Variants in ANXA8 observed in about 807,000 individuals in gnomAD.
ANXA8 encodes the protein VAC-beta.
Under a neutral mutation model 26.8 loss-of-function variants are expected in ANXA8, and 9 were observed. That is an observed-to-expected ratio of 0.34 (90% CI 0.20 to 0.59). The LOEUF (loss-of-function observed/expected upper bound fraction) is 0.59. ANXA8 is among the 20% of genes least tolerant of loss of function. The probability of loss-of-function intolerance (pLI) is 0.84; values close to 1 mark genes in which losing one functional copy is unlikely to be tolerated. For synonymous variants in ANXA8, 39 were observed against 94.8 expected, an observed-to-expected ratio of 0.41 and a Z score of 3.42; for missense variants, 83 against 238.5, an observed-to-expected ratio of 0.35 and a Z score of 4.29.
the ANXA8 span, among the ~76,000 whole-genome samples, chr10:47,733,215 T>TCTCTCTC: frequency 1.5e-4 from 14 of 95,000 alleles, no homozygotes; most frequent in Admixed American, 2.4e-4. Context: ...CTTTCTTTCT[T>TCTCTCTC]TCTTTCTCTT....
the ANXA8 span, among the ~76,000 whole-genome samples, chr10:47,735,423 T>C: frequency 6.7e-6 from 1 of 148,442 alleles, no homozygotes; most frequent in African/African-American, 2.5e-5. Flanking sequence ...CTTTGGAAAA[T>C]ATGGATGAAT....
At chr10:47,503,937 C>CAAAAAAAAAAAAAAA in the ANXA8 span, among the ~76,000 whole-genome samples, 3 of 23,444 alleles carry the variant, frequency 1.3e-4, no homozygotes, top group South Asian at 1.7e-3. Flanking sequence ...GAGAGTCCAT[C>CAAAAAAAAAAAAAAA]AAAAAAAAAA....
the ANXA8 span, among the ~76,000 whole-genome samples, chr10:47,895,053 C>T: frequency 6.6e-6 from 1 of 152,058 alleles, no homozygotes; most frequent in Non-Finnish European, 1.5e-5. Context: ...ACACACCGCA[C>T]ATACACCATA....
At chr10:47,658,842 TA>T in the ANXA8 span, among the ~76,000 whole-genome samples, 22 of 135,932 alleles carry the variant, frequency 1.6e-4, no homozygotes, top group African/African-American at 6.9e-4. Flanking sequence ...GGTTTTTATT[TA>T]TTTATTATTT....
At chr10:47,777,450 G>A in the ANXA8 span, among the ~76,000 whole-genome samples, 5 of 152,162 alleles carry the variant, frequency 3.3e-5, no homozygotes, top group African/African-American at 1.2e-4. Flanking sequence ...ACCACACCAG[G>A]CTTCTGGATG....
At chr10:47,940,469 C>G in the ANXA8 span, among the ~76,000 whole-genome samples, 5 of 147,144 alleles carry the variant, frequency 3.4e-5, no homozygotes, top group Non-Finnish European at 5.9e-5. Context: ...AAAAATAGCT[C>G]TCCATACAAA....
the ANXA8 span, chr10:47,507,616 T>C: frequency 8.5e-6 from 13 of 1,529,606 alleles, 3 homozygotes; most frequent in Non-Finnish European, 1.1e-5. Context: ...TAACAATAGA[T>C]GTTATCATTT....
At chr10:47,528,881 G>T in the ANXA8 span, among the ~76,000 whole-genome samples, 25 of 132,040 alleles carry the variant, frequency 1.9e-4, no homozygotes, top group East Asian at 2.1e-3. Flanking sequence ...GAAGGAAAAA[G>T]AATTCAAGAA....
At chr10:47,775,980 G>A in the ANXA8 span, among the ~76,000 whole-genome samples, 31 of 151,828 alleles carry the variant, frequency 2.0e-4, no homozygotes, top group African/African-American at 7.5e-4. Context: ...GAAGCATGAA[G>A]GATATGTGAA....
At chr10:47,949,569 G>A in the ANXA8 span, among the ~76,000 whole-genome samples, 5 of 150,718 alleles carry the variant, frequency 3.3e-5, no homozygotes, top group Non-Finnish European at 7.4e-5. Flanking sequence ...TAATAACAAC[G>A]TACTGTGTGG....
At chr10:47,530,421 C>T in the ANXA8 span, among the ~76,000 whole-genome samples, 2,519 of 149,276 alleles carry the variant, frequency 0.017, 182 homozygotes, top group African/African-American at 0.059. Context: ...GGCGCGGTGG[C>T]TCACGCCTGT....
chr10:47,521,893 G>T, the ANXA8 span, among the ~76,000 whole-genome samples: 2 of 149,532 alleles, frequency 1.3e-5, no homozygotes, highest in African/African-American at 2.5e-5. Flanking sequence ...CAATTCTCCC[G>T]CCTCAGCCTT....
At chr10:47,572,012 A>T in the ANXA8 span, among the ~76,000 whole-genome samples, 1 of 108,486 alleles carries the variant, frequency 9.2e-6, no homozygotes, top group Non-Finnish European at 1.9e-5. Flanking sequence ...TAGGTCTCTG[A>T]TTTCTTTCAA....
chr10:47,568,121 G>A, the ANXA8 span: 15 of 251,780 alleles, frequency 6.0e-5, no homozygotes, highest in Non-Finnish European at 2.3e-5. Context: ...TGCAACCTCC[G>A]CCTCCTGGGT....
At chr10:47,672,195 T>C in the ANXA8 span, among the ~76,000 whole-genome samples, 4 of 150,408 alleles carry the variant, frequency 2.7e-5, no homozygotes, top group Middle Eastern at 3.2e-3. Context: ...AAGTAATGAA[T>C]ATTGTTCTTT....
chr10:47,570,116 C>T, the ANXA8 span, among the ~76,000 whole-genome samples: 1 of 53,686 alleles, frequency 1.9e-5, no homozygotes, highest in African/African-American at 5.8e-5. Context: ...TTGATGTCTT[C>T]GTATCTTACT....
the ANXA8 span, among the ~76,000 whole-genome samples, chr10:47,744,654 C>T: frequency 6.6e-6 from 1 of 151,890 alleles, no homozygotes; most frequent in Admixed American, 6.6e-5. Flanking sequence ...AATCCGGCGT[C>T]ATAGTGGCAT....
the ANXA8 span, among the ~76,000 whole-genome samples, chr10:47,733,253 T>TTCTCTTTCTTTCTCTCTC: frequency 9.8e-6 from 1 of 102,160 alleles, no homozygotes; most frequent in Non-Finnish European, 2.0e-5. Flanking sequence ...CTTTCTTTCT[T>TTCTCTTTCTTTCTCTCTC]TCTTTCTTTC....
the ANXA8 span, among the ~76,000 whole-genome samples, chr10:47,968,493 TCCA>T: frequency 3.8e-4 from 53 of 140,370 alleles, no homozygotes; most frequent in African/African-American, 4.5e-4. Context: ...TGCCACCATA[TCCA>T]CCACCACCAC....
Sources: allele counts gnomAD v4.1 joint callset (sites outside exome capture counted in the v4.1 genomes callset), GRCh38; gene constraint gnomAD v4.1.1; transcripts MANE v1.5; gene names NCBI Gene and HGNC (gene_info 2026-07-23, HGNC 2026-07-21).